DMXL2: variants seen among roughly 807,000 people sequenced by gnomAD.
DMXL2 encodes the protein Dmx like 2, also known as dmX-like protein 2.
Under a neutral mutation model 331.1 loss-of-function variants are expected in DMXL2, and 103 were observed. That is an observed-to-expected ratio of 0.31 (90% CI 0.27 to 0.37). DMXL2 has a LOEUF of 0.37. Ranked by LOEUF, DMXL2 falls within the 10% of genes least tolerant of loss-of-function variation. DMXL2 has a pLI of 1.00. For synonymous variants in DMXL2, 1,281 were observed against 1,252.1 expected, an observed-to-expected ratio of 1.02 and a Z score of -0.49; for missense variants, 3,171 against 3,642.9, an observed-to-expected ratio of 0.87 and a Z score of 3.33.
At chr15:51,495,319 C>T (rs917888812) in intron 18 of DMXL2, among the ~76,000 whole-genome samples, 185 bp from the exon 19 acceptor site, 1 of 151,934 alleles carries the variant, frequency 6.6e-6, no homozygotes, top group Non-Finnish European at 1.5e-5. Flanking sequence ...AATGTGACTA[C>T]TAAACTCTTA....
intron 13 of DMXL2, among the ~76,000 whole-genome samples, chr15:51,528,418 G>A (rs1772042505): frequency 6.6e-6 from 1 of 151,910 alleles, no homozygotes; most frequent in South Asian, 2.1e-4. Flanking sequence ...AAAAGAGCAG[G>A]AATAGCTATA....
intron 1 of DMXL2, among the ~76,000 whole-genome samples, chr15:51,593,707 C>A (rs1207174247): frequency 1.3e-5 from 2 of 152,288 alleles, no homozygotes; most frequent in East Asian, 1.9e-4. Flanking sequence ...GAAATTATAA[C>A]AAACTGTCTC....
intron 1 of DMXL2, among the ~76,000 whole-genome samples, chr15:51,592,328 T>G (rs1279945069): frequency 6.6e-6 from 1 of 151,962 alleles, no homozygotes; most frequent in African/African-American, 2.4e-5. Flanking sequence ...TGATGGAAGA[T>G]GAAATGAATG....
At position 51,576,057 on chromosome 15, in the gene DMXL2, CTTCCTTG is replaced by C. The variant is rs1410929649; in HGVS notation, c.205_211del (p.Gln69GlufsTer18). 1 of 1,602,894 alleles carries C rather than the reference CTTCCTTG, an allele frequency of 6.2e-7. No individual in the cohort carries two copies. Among genetic ancestry groups the C allele is most frequent in the Non-Finnish European group, 8.5e-7 (1 of 1,176,914 alleles). ...CAGTAAAGAAATTAAATCCCTTACT[CTTCCTTG>C]TTGGTTAGAACACTCCACACAGCTG... is the stretch of plus-strand genomic sequence containing the variant. On this transcript the variant is annotated frameshift_variant and splice_region_variant, in exon 2 of 44. Transcript: ENST00000560891. LOFTEE classifies it high-confidence loss of function.
chr15:51,472,869 TAG>T (rs912574129), intron 28 of DMXL2, among the ~76,000 whole-genome samples: 17 of 152,198 alleles, frequency 1.1e-4, no homozygotes, highest in African/African-American at 4.1e-4. Flanking sequence ...ACAAAGCAGC[TAG>T]AGCGGTTCTG....
intron 1 of DMXL2, among the ~76,000 whole-genome samples, chr15:51,619,783 T>C (rs2054515088): frequency 6.6e-6 from 1 of 152,204 alleles, no homozygotes; most frequent in Non-Finnish European, 1.5e-5. Context: ...CAGTAGTTCC[T>C]TCTACACTAT....
chr15:51,572,480 C>A (rs185872479), intron 2 of DMXL2, among the ~76,000 whole-genome samples: 3,752 of 151,902 alleles, frequency 0.025, 163 homozygotes, highest in African/African-American at 0.085. Flanking sequence ...GAGACACAAC[C>A]AAAAAAGAAA....
rs766985076 is a variant in DMXL2 at position 51,564,109 on chromosome 15, AG to A, written c.500+15del. On this transcript the variant is annotated intron_variant, in intron 5 of 43. Coordinates refer to ENST00000560891, the MANE Select transcript of DMXL2 (RefSeq NM_001378457.1). ...GCTTTTAATTAATGAATATAACAAT[AG>A]AAATAGACACTAACTTGCACTGCCA... The A allele has an allele frequency of 7.6e-6, 12 of 1,579,134 alleles. No homozygotes were observed. In the South Asian group the frequency reaches 1.3e-4, roughly 17 times the overall value.
chr15:51,541,421 CTAAG>C (rs2048588678), intron 9 of DMXL2, among the ~76,000 whole-genome samples: 1 of 151,806 alleles, frequency 6.6e-6, no homozygotes, highest in Non-Finnish European at 1.5e-5. Flanking sequence ...ATTTTTTATA[CTAAG>C]TCTTAGAAAT....
chr15:51,571,840 A>G (rs1199135617), intron 2 of DMXL2, among the ~76,000 whole-genome samples: 1 of 152,216 alleles, frequency 6.6e-6, no homozygotes, highest in Non-Finnish European at 1.5e-5. Context: ...AGCAGGAAAG[A>G]TCTAAAATTG....
At chr15:51,617,067 C>T (rs534923479) in intron 1 of DMXL2, among the ~76,000 whole-genome samples, 27 of 151,836 alleles carry the variant, frequency 1.8e-4, no homozygotes, top group Non-Finnish European at 2.9e-4. Flanking sequence ...ATTGGTCAGG[C>T]ATGACTTGTT....
chr15:51,459,688 C>G (rs1375362155), intron 33 of DMXL2, 28 bp from the exon 34 acceptor site: 1 of 1,288,842 alleles, frequency 7.8e-7, no homozygotes, highest in Admixed American at 2.3e-5. Flanking sequence ...GTCACAAACA[C>G]AAAACACATG....
In DMXL2 at chr15:51,564,138, C is replaced by T. The variant is rs1399176221; in HGVS notation, c.487G>A (p.Val163Ile). The T allele has an allele frequency of 6.3e-7, 1 of 1,599,662 alleles. No homozygotes were observed. The highest frequency in any genetic ancestry group is 8.5e-7 in the Non-Finnish European group (1 of 1,174,764). The part of the protein sequence containing the change: ...VPPVLNDWKC[V>I]WQCKTSVSVH... Reference sequence around the variant, plus strand: ...ATAGACACTAACTTGCACTGCCAGACACACTTCCAATCATTTAAAACAGGA... The same window carrying T: ...ATAGACACTAACTTGCACTGCCAGATACACTTCCAATCATTTAAAACAGGA... Residue 163 changes from valine to isoleucine, a missense_variant, in exon 5 of 44, where the codon GTC becomes ATC. Physicochemically the swap from Val to Ile is conservative, Grantham distance 29 (BLOSUM62 3). Coordinates refer to ENST00000560891, the MANE Select transcript of DMXL2 (RefSeq NM_001378457.1).
chr15:51,454,571 A>G (rs1737447826), intron 40 of DMXL2, among the ~76,000 whole-genome samples: 1 of 152,040 alleles, frequency 6.6e-6, no homozygotes, highest in Non-Finnish European at 1.5e-5. Flanking sequence ...ATCTCAGCTC[A>G]CTGCAACCTC....
chr15:51,485,753 G>A (rs182905625), intron 23 of DMXL2, among the ~76,000 whole-genome samples: 1 of 152,124 alleles, frequency 6.6e-6, no homozygotes, highest in Admixed American at 6.5e-5. Context: ...TTACCACAGA[G>A]GCATAAAGTT....
Position 51,448,677 on chromosome 15 carries a change from C to A in DMXL2, c.*307G>T. 2.8e-6 allele frequency: 1 copy of A among 351,198 alleles called. No homozygotes were observed. Among genetic ancestry groups the A allele is most frequent in the Admixed American group, 4.2e-5 (1 of 23,944 alleles). The allele number at this position is 351,198 out of a possible 1,614,324, so 21.8% of individuals were successfully genotyped here. A position where few individuals can be genotyped will look rare whatever the true frequency, so the allele number is the denominator to read the frequency against. ...TCTTCCTTAATTTGGTATAAACGTC[C>A]TTTTCATTATTTCAAGTTACTAATT... On this transcript the variant is annotated 3_prime_UTR_variant, in exon 44 of 44. Transcript: ENST00000560891.
At position 51,498,539 on chromosome 15, in the gene DMXL2, C is replaced by T. The variant is rs202189965; in HGVS notation, c.4672+13G>A. On this transcript the variant is annotated intron_variant, in intron 18 of 43. Transcript: ENST00000560891. ...TAGGTACAACTTTATAAATTTTTAG[C>T]GAGAATATTTACCTGAGCAACTCTT... The T allele has an allele frequency of 1.5e-4, 238 of 1,590,144 alleles. 1 individual carries two copies. The highest frequency in any genetic ancestry group is 1.0e-3 in the Middle Eastern group (6 of 5,912).
intron 22 of DMXL2, 53 bp from the exon 23 acceptor site, chr15:51,486,390 G>A: frequency 7.5e-7 from 1 of 1,330,476 alleles, no homozygotes; most frequent in Non-Finnish European, 1.0e-6. Flanking sequence ...TATTTAGAGA[G>A]ATGAAATATC....
chr15:51,548,327 A>G (rs1235335324), intron 6 of DMXL2, among the ~76,000 whole-genome samples: 1 of 152,122 alleles, frequency 6.6e-6, no homozygotes, highest in African/African-American at 2.4e-5. Context: ...GACTAGACAA[A>G]CAATTCTGTT....
Sources: allele counts gnomAD v4.1 joint callset (sites outside exome capture counted in the v4.1 genomes callset), GRCh38; gene constraint gnomAD v4.1.1; transcripts MANE v1.5; gene names NCBI Gene and HGNC (gene_info 2026-07-23, HGNC 2026-07-21).